Variants in NUMB observed in about 807,000 individuals in gnomAD.
NUMB encodes the protein protein numb homolog.
A neutral mutation model predicts 59.7 loss-of-function variants in NUMB; 29 were observed. The ratio of observed to expected loss-of-function variants is 0.49; its 90% CI spans 0.36 to 0.66. NUMB has a LOEUF of 0.66. NUMB is among the 30% of genes least tolerant of loss of function. The pLI is 0.00. For missense variants in NUMB, 723 were observed against 822.0 expected (o/e 0.88, Z 1.47); for synonymous variants, 288 against 288.2 (o/e 1.00, Z 0.01).
intron 4 of NUMB, among the ~76,000 whole-genome samples, chr14:73,352,061 T>C (rs1019507985): frequency 2.0e-5 from 3 of 152,028 alleles, no homozygotes; most frequent in African/African-American, 2.4e-5. Context: ...TCTACCTTAA[T>C]AAATAATGAA....
chr14:73,329,999 C>A (rs963463106), intron 4 of NUMB, among the ~76,000 whole-genome samples: 1 of 152,154 alleles, frequency 6.6e-6, no homozygotes, highest in Non-Finnish European at 1.5e-5. Flanking sequence ...ATTTCTTTTA[C>A]TAATACCTCA....
At chr14:73,335,917 A>G (rs1441277799) in intron 4 of NUMB, among the ~76,000 whole-genome samples, 1 of 152,234 alleles carries the variant, frequency 6.6e-6, no homozygotes, top group African/African-American at 2.4e-5. Context: ...TGAGTCTTTA[A>G]CCAAAGAGGA....
chr14:73,351,202 G>A (rs1219984566), intron 4 of NUMB, among the ~76,000 whole-genome samples: 3 of 152,256 alleles, frequency 2.0e-5, no homozygotes, highest in Admixed American at 1.3e-4. Context: ...GGCCGGGCAC[G>A]GTGGCTCATG....
At chr14:73,338,467 T>TA (rs1302542506) in intron 4 of NUMB, among the ~76,000 whole-genome samples, 1 of 152,234 alleles carries the variant, frequency 6.6e-6, no homozygotes, top group Non-Finnish European at 1.5e-5. Context: ...TGGATTTTTG[T>TA]AAAAGCCTCT....
At chr14:73,396,795 T>A (rs1047491538) in intron 2 of NUMB, among the ~76,000 whole-genome samples, 5 of 152,170 alleles carry the variant, frequency 3.3e-5, no homozygotes, top group African/African-American at 1.2e-4. Context: ...TCTCAAAATT[T>A]AGCATGTATC....
intron 7 of NUMB, among the ~76,000 whole-genome samples, chr14:73,295,786 C>T (rs1253741331): frequency 1.3e-5 from 2 of 151,688 alleles, no homozygotes; most frequent in South Asian, 2.1e-4. Flanking sequence ...ATTAAATGTA[C>T]TTATATAACA....
intron 4 of NUMB, among the ~76,000 whole-genome samples, chr14:73,355,324 C>A (rs1468815471): frequency 6.6e-6 from 1 of 152,128 alleles, no homozygotes; most frequent in East Asian, 1.9e-4. Context: ...AATTTGAGTC[C>A]TGATAATTTA....
intron 6 of NUMB, among the ~76,000 whole-genome samples, chr14:73,313,819 T>G (rs1264954327): frequency 3.4e-5 from 5 of 148,246 alleles, no homozygotes; most frequent in Non-Finnish European, 7.6e-5. Context: ...TTTTTCTTTT[T>G]TTTTTTGAGA....
intron 2 of NUMB, among the ~76,000 whole-genome samples, chr14:73,395,150 G>A (rs529741737): frequency 8.1e-5 from 12 of 147,834 alleles, no homozygotes; most frequent in African/African-American, 2.7e-4. Flanking sequence ...TAAATACAGG[G>A]ATTAAAAAGG....
chr14:73,288,419 C>T (rs558029178), intron 8 of NUMB, among the ~76,000 whole-genome samples: 231 of 151,892 alleles, frequency 1.5e-3, no homozygotes, highest in African/African-American at 4.8e-3. Flanking sequence ...GATGTGGTGG[C>T]GGGTGCCTGT....
At chr14:73,388,772 G>A (rs1221269246) in intron 2 of NUMB, among the ~76,000 whole-genome samples, 1 of 151,884 alleles carries the variant, frequency 6.6e-6, no homozygotes, top group Non-Finnish European at 1.5e-5. Flanking sequence ...CAACCAGCCT[G>A]GCCAAAATAT....
chr14:73,320,136 G>GT (rs200838442), intron 5 of NUMB, among the ~76,000 whole-genome samples: 2 of 151,870 alleles, frequency 1.3e-5, no homozygotes, highest in East Asian at 3.9e-4. Context: ...CGACTCGGCG[G>GT]GGGGGCAAAA....
intron 2 of NUMB, among the ~76,000 whole-genome samples, chr14:73,383,471 A>G (rs1488500422): frequency 6.6e-6 from 1 of 152,180 alleles, no homozygotes; most frequent in Non-Finnish European, 1.5e-5. Flanking sequence ...AAAGAGCATG[A>G]GAGACATGTG....
At chr14:73,352,449 C>T (rs1463811098) in intron 4 of NUMB, among the ~76,000 whole-genome samples, 1 of 45,374 alleles carries the variant, frequency 2.2e-5, no homozygotes, top group Non-Finnish European at 3.9e-5. Context: ...CACACACACA[C>T]ACACACACAT....
At chr14:73,389,019 A>G (rs977141009) in intron 2 of NUMB, among the ~76,000 whole-genome samples, 1 of 149,964 alleles carries the variant, frequency 6.7e-6, no homozygotes, top group African/African-American at 2.5e-5. Context: ...GAATGGCGTG[A>G]GCCCGGGAGG....
rs55831976 is a variant in NUMB, at chr14:73,390,638, CTTTTTTTTTTTTTT to C, written c.-101+19285_-101+19298del. On this transcript the variant is annotated intron_variant, in intron 2 of 12. Transcript: ENST00000555238. ...ATTTCCTTGAGGACAAAAACAAAGT[CTTTTTTTTTTTTTT>C]TTTTTTTTTTTTTTTTTGAGACAGT... Among the ~76,000 whole-genome samples the C allele has an allele frequency of 5.8e-4, 23 of 39,410 alleles. 1 individual carries two copies. The highest frequency in any genetic ancestry group is 7.6e-4 in the Non-Finnish European group (16 of 21,178). The allele number at this position is 39,410 out of a possible 152,430, so 25.9% of individuals were successfully genotyped here.
intron 1 of NUMB, among the ~76,000 whole-genome samples, chr14:73,433,426 A>C (rs1183670331): frequency 6.6e-6 from 1 of 152,090 alleles, no homozygotes; most frequent in East Asian, 1.9e-4. Flanking sequence ...CATCTCAAAA[A>C]AAAATTTTTT....
intron 1 of NUMB, among the ~76,000 whole-genome samples, chr14:73,415,613 T>C (rs1355751087): frequency 1.3e-5 from 2 of 151,810 alleles, no homozygotes; most frequent in Non-Finnish European, 2.9e-5. Context: ...ATTACAGGCA[T>C]GAGCCACCAC....
At chr14:73,405,872 G>A (rs1258811993) in intron 2 of NUMB, among the ~76,000 whole-genome samples, 2 of 151,974 alleles carry the variant, frequency 1.3e-5, no homozygotes, top group Admixed American at 1.3e-4. Context: ...AACCTGTGTA[G>A]GTATGCATCT....
Sources: gnomAD v4.1 joint callset for allele counts (sites outside exome capture counted in the v4.1 genomes callset) on GRCh38, gnomAD v4.1.1 for gene constraint, MANE v1.5 for transcripts, NCBI Gene and HGNC (gene_info 2026-07-23, HGNC 2026-07-21) for gene names.